The following EVI5 variants were observed in gnomAD, a reference collection of about 807,000 sequenced individuals.
The protein encoded by EVI5 is ecotropic viral integration site 5.
A neutral mutation model predicts 112.0 loss-of-function variants in EVI5; 73 were observed. The observed-to-expected ratio is 0.65, with a 90% CI of 0.54 to 0.79. EVI5 has a LOEUF of 0.79. Ranked by LOEUF, EVI5 falls within the 30% of genes least tolerant of loss-of-function variation. The probability of loss-of-function intolerance (pLI) is 0.00; values close to 1 mark genes in which losing one functional copy is unlikely to be tolerated. For missense variants in EVI5, 900 were observed against 968.8 expected (o/e 0.93, Z 0.94); for synonymous variants, 305 against 319.9 (o/e 0.95, Z 0.50).
chr1:92,535,651 C>A (rs1032294228), intron 19 of EVI5, among the ~76,000 whole-genome samples: 1 of 151,876 alleles, frequency 6.6e-6, no homozygotes, highest in Non-Finnish European at 1.5e-5. Context: ...AGCAAACTAA[C>A]AGAAAAACAG....
At chr1:92,635,747 C>A (rs891526803) in intron 14 of EVI5, among the ~76,000 whole-genome samples, 3 of 152,160 alleles carry the variant, frequency 2.0e-5, no homozygotes, top group African/African-American at 7.2e-5. Context: ...GTCGCTCACA[C>A]TGGGAGCTGT....
At chr1:92,591,223 A>G (rs552973399) in intron 18 of EVI5, among the ~76,000 whole-genome samples, 1 of 152,262 alleles carries the variant, frequency 6.6e-6, no homozygotes, top group South Asian at 2.1e-4. Context: ...CAAAATAACC[A>G]GCTAACATCA....
intron 2 of EVI5, among the ~76,000 whole-genome samples, chr1:92,709,731 C>T (rs542762986): frequency 1.3e-5 from 2 of 152,194 alleles, no homozygotes; most frequent in African/African-American, 4.8e-5. Context: ...TTTCCTATAG[C>T]ATGTAGAAAA....
intron 18 of EVI5, among the ~76,000 whole-genome samples, chr1:92,603,941 T>G (rs1649774544): frequency 1.3e-5 from 2 of 152,004 alleles, no homozygotes; most frequent in Admixed American, 6.6e-5. Context: ...CTCACTTTGT[T>G]TGTCAGGTTG....
chr1:92,633,446 T>C (rs559697786), intron 14 of EVI5, among the ~76,000 whole-genome samples: 30 of 152,348 alleles, frequency 2.0e-4, no homozygotes, highest in Admixed American at 5.9e-4. Context: ...TTGTCTCTTT[T>C]GATCTTTGTT....
chr1:92,584,253 G>A (rs1469516968), intron 18 of EVI5, among the ~76,000 whole-genome samples: 1 of 151,994 alleles, frequency 6.6e-6, no homozygotes, highest in Non-Finnish European at 1.5e-5. Context: ...TTGTTTAAAA[G>A]GTTAAATAAT....
Position 92,509,273 on chromosome 1 carries a change from C to G in EVI5, c.*4383G>C, listed in dbSNP as rs1266210907. On this transcript the variant is annotated 3_prime_UTR_variant, in exon 20 of 20. Transcript: ENST00000684568. ...AAAAGGTGTAGACCTTATTTTCAAT[C>G]AAAGGCACTATCTGGAGAGTTAACA... 1 of 152,534 alleles carries G rather than the reference C, an allele frequency of 6.6e-6. No homozygotes were observed. Among genetic ancestry groups the G allele is most frequent in the Non-Finnish European group, 1.5e-5 (1 of 68,018 alleles). 9.4% of individuals were successfully genotyped at this position (152,534 alleles called of 1,614,324 possible).
At chr1:92,639,341 A>G (rs1659493960) in intron 13 of EVI5, among the ~76,000 whole-genome samples, 1 of 152,106 alleles carries the variant, frequency 6.6e-6, no homozygotes, top group Non-Finnish European at 1.5e-5. Flanking sequence ...TATTTGAAGG[A>G]AATAGGAGTA....
At chr1:92,633,804 T>C (rs79291797) in intron 14 of EVI5, among the ~76,000 whole-genome samples, 1 of 152,232 alleles carries the variant, frequency 6.6e-6, no homozygotes, top group African/African-American at 2.4e-5. Flanking sequence ...GGCATGTTTT[T>C]GCAGTGGCTG....
intron 2 of EVI5, among the ~76,000 whole-genome samples, chr1:92,716,747 C>G (rs1034380830): frequency 5.9e-5 from 9 of 151,302 alleles, no homozygotes; most frequent in African/African-American, 2.2e-4. Context: ...GAATGGCTAA[C>G]TAGAATAAAC....
At chr1:92,635,306 T>G (rs962902623) in intron 14 of EVI5, among the ~76,000 whole-genome samples, 1 of 152,206 alleles carries the variant, frequency 6.6e-6, no homozygotes, top group African/African-American at 2.4e-5. Context: ...GCAGGCCTCC[T>G]TGAGCTGCAG....
intron 5 of EVI5, among the ~76,000 whole-genome samples, chr1:92,701,753 C>A (rs1671185938): frequency 1.3e-5 from 2 of 151,364 alleles, no homozygotes; most frequent in Admixed American, 6.6e-5. Flanking sequence ...AAATTAAATT[C>A]TCTATAAATC....
chr1:92,699,632 C>T (rs1184777133), intron 5 of EVI5, among the ~76,000 whole-genome samples: 1 of 152,152 alleles, frequency 6.6e-6, no homozygotes, highest in Admixed American at 6.6e-5. Flanking sequence ...ATATAGCTTA[C>T]TATACACCTA....
Position 92,737,757 on chromosome 1 carries a change from T to G in EVI5, c.-81-1130A>C, listed in dbSNP as rs377074493. 7.9e-5 allele frequency among the ~76,000 whole-genome samples: 12 copies of G among 152,270 alleles called. No homozygotes were observed. The East Asian group carries it at 1.5e-3, about 20-fold the overall frequency. ...CCTCCACTTCAATTTAGCAGGGAAATTCCATGTACGGAAAGGATAAAATGG... is the reference window on the plus strand; with the variant it reads ...CCTCCACTTCAATTTAGCAGGGAAAGTCCATGTACGGAAAGGATAAAATGG... On this transcript the variant is annotated intron_variant, in intron 1 of 19. Transcript: ENST00000684568.
At chr1:92,535,491 A>C (rs1663721904) in intron 19 of EVI5, among the ~76,000 whole-genome samples, 1 of 152,192 alleles carries the variant, frequency 6.6e-6, no homozygotes, top group South Asian at 2.1e-4. Flanking sequence ...CATGATAGCA[A>C]AGACTTGGAA....
At chr1:92,535,950 C>T (rs1663820356) in intron 19 of EVI5, among the ~76,000 whole-genome samples, 1 of 152,008 alleles carries the variant, frequency 6.6e-6, no homozygotes, top group Admixed American at 6.6e-5. Context: ...ATTTATCCCA[C>T]CCTTTTAAAT....
chr1:92,718,015 C>A (rs1674067459), intron 2 of EVI5, among the ~76,000 whole-genome samples: 1 of 152,152 alleles, frequency 6.6e-6, no homozygotes, highest in African/African-American at 2.4e-5. Flanking sequence ...TATATATGCA[C>A]CCAATACAGG....
intron 6 of EVI5, among the ~76,000 whole-genome samples, chr1:92,696,608 G>A (rs1670356959): frequency 6.6e-6 from 1 of 151,070 alleles, no homozygotes; most frequent in African/African-American, 2.4e-5. Flanking sequence ...TTGTACTTCA[G>A]CCTGGACAAC....
rs551697245 is a variant in EVI5, at chr1:92,546,360, G to A, written c.2166+17282C>T. Among the ~76,000 whole-genome samples, 4 of 152,046 alleles carry A rather than the reference G, an allele frequency of 2.6e-5. No homozygotes were observed. The South Asian group carries it at 6.2e-4, about 24-fold the overall frequency. Reference sequence around the variant, plus strand: ...TCTCAATCACCTGTAGTATGACGGAGAACAAAGACACACAAAATCTGGAAA... The same window carrying A: ...TCTCAATCACCTGTAGTATGACGGAAAACAAAGACACACAAAATCTGGAAA... On this transcript the variant is annotated intron_variant, in intron 19 of 19. Transcript: ENST00000684568.
Sources: gnomAD v4.1 joint callset for allele counts (sites outside exome capture counted in the v4.1 genomes callset) on GRCh38, gnomAD v4.1.1 for gene constraint, MANE v1.5 for transcripts, NCBI Gene and HGNC (gene_info 2026-07-23, HGNC 2026-07-21) for gene names.